The following BCAS1 variants were observed in gnomAD, a reference collection of about 807,000 sequenced individuals.
BCAS1 encodes the protein breast carcinoma-amplified sequence 1.
In BCAS1, 46 loss-of-function variants were observed where a neutral mutation model predicts 65.4. The ratio of observed to expected loss-of-function variants is 0.70; its 90% CI spans 0.55 to 0.90. The LOEUF (loss-of-function observed/expected upper bound fraction) is 0.90, where lower values mean the gene tolerates loss of function less well. Ranked by LOEUF, BCAS1 falls within the 40% of genes least tolerant of loss-of-function variation. The probability of loss-of-function intolerance (pLI) is 0.00; values close to 1 mark genes in which losing one functional copy is unlikely to be tolerated. For synonymous variants in BCAS1, 298 were observed against 293.5 expected (o/e 1.02, Z -0.16); for missense variants, 793 against 771.2 (o/e 1.03, Z -0.33).
At chr20:54,021,453 C>T (rs1455395396) in intron 4 of BCAS1, among the ~76,000 whole-genome samples, 1 of 107,856 alleles carries the variant, frequency 9.3e-6, no homozygotes, top group East Asian at 2.5e-4. Flanking sequence ...TGTATATGTA[C>T]CACATTTTCT....
intron 3 of BCAS1, among the ~76,000 whole-genome samples, chr20:54,030,927 G>A (rs146615517): frequency 6.6e-6 from 1 of 151,506 alleles, no homozygotes; most frequent in Non-Finnish European, 1.5e-5. Flanking sequence ...AGTGATAGAT[G>A]GATGCATCAG....
chr20:53,944,692 C>T lies in BCAS1; in HGVS notation c.*230G>A. 3.8e-6 allele frequency: 2 copies of T among 524,834 alleles called. No individual in the cohort carries two copies. Among genetic ancestry groups the T allele is most frequent in the South Asian group, 4.2e-5 (2 of 47,292 alleles). 32.5% of individuals were successfully genotyped at this position (524,834 alleles called of 1,614,324 possible). On this transcript the variant is annotated 3_prime_UTR_variant, in exon 13 of 13. Transcript: ENST00000688948. ...CTTGGTGATCATCGACTCTTCTGAC[C>T]CAACTAGGTGACCTGCTAAACCATC... is the stretch of plus-strand genomic sequence containing the variant.
At position 53,953,498 on chromosome 20, in the gene BCAS1, A is replaced by C. The variant is rs539620158; in HGVS notation, c.1749T>G (p.Asn583Lys). ...CAGGTCTCTTTTGGAGCTTGTCCCC[A>C]TTCTGCAGTGAGTTCGTGTCCACCG... ...QATVDTNSLQNGDKLQKRPEK... is the reference protein window; with the variant it reads ...QATVDTNSLQKGDKLQKRPEK... The change falls in exon 12 of 13, where the codon AAT becomes AAG. Residue 583 changes from asparagine (N) to lysine (K), a missense_variant. Asn to Lys is a moderately conservative substitution (Grantham distance 94). Coordinates refer to ENST00000688948, the MANE Select transcript of BCAS1 (RefSeq NM_001366298.2). The C allele has an allele frequency of 2.5e-6, 4 of 1,613,852 alleles. No homozygotes were observed. Among genetic ancestry groups the C allele is most frequent in the Non-Finnish European group, 1.7e-6 (2 of 1,180,002 alleles).
intron 3 of BCAS1, among the ~76,000 whole-genome samples, chr20:54,052,705 C>T (rs984413055): frequency 6.6e-6 from 1 of 152,278 alleles, no homozygotes; most frequent in South Asian, 2.1e-4. Flanking sequence ...CACAGCAAGG[C>T]GCCATCTTGG....
At chr20:53,998,145 C>A (rs950669741) in intron 4 of BCAS1, among the ~76,000 whole-genome samples, 1 of 152,118 alleles carries the variant, frequency 6.6e-6, no homozygotes, top group Non-Finnish European at 1.5e-5. Flanking sequence ...GGTGGCACTG[C>A]ATTTAGACTC....
intron 4 of BCAS1, among the ~76,000 whole-genome samples, chr20:54,005,466 T>G (rs1352059130): frequency 6.6e-6 from 1 of 152,054 alleles, no homozygotes; most frequent in East Asian, 1.9e-4. Flanking sequence ...CCAGCCTGGG[T>G]GACAGAGCAA....
At position 53,953,523 on chromosome 20, in the gene BCAS1, G is replaced by A. The variant is rs201134866; in HGVS notation, c.1724C>T (p.Thr575Met). ...KEPAQCTEQA[T>M]VDTNSLQNGD... Reference sequence around the variant, plus strand: ...ATTCTGCAGTGAGTTCGTGTCCACCGTGGCCTGCTCTGTGCACTGGGCTGG... The same window carrying A: ...ATTCTGCAGTGAGTTCGTGTCCACCATGGCCTGCTCTGTGCACTGGGCTGG... Residue 575 changes from threonine to methionine, a missense_variant, in exon 12 of 13, where the codon ACG (threonine) becomes ATG (methionine). Transcript: ENST00000688948. 255 of 1,613,908 alleles carry A rather than the reference G, an allele frequency of 1.6e-4. 1 individual carries two copies. The East Asian group carries it at 5.2e-3, about 33-fold the overall frequency.
chr20:54,057,288 A>C (rs1395604805), intron 3 of BCAS1, among the ~76,000 whole-genome samples: 1 of 152,230 alleles, frequency 6.6e-6, no homozygotes, highest in Non-Finnish European at 1.5e-5. Flanking sequence ...TTTGGGGAAA[A>C]GGAATATATG....
chr20:54,046,395 G>A (rs2092106086), intron 3 of BCAS1, among the ~76,000 whole-genome samples: 1 of 152,056 alleles, frequency 6.6e-6, no homozygotes, highest in African/African-American at 2.4e-5. Context: ...TGGGTGTGGT[G>A]GCGGGCACCT....
At chr20:54,049,616 G>A (rs1047788130) in intron 3 of BCAS1, among the ~76,000 whole-genome samples, 10 of 151,618 alleles carry the variant, frequency 6.6e-5, no homozygotes, top group African/African-American at 2.4e-4. Context: ...ATGTTGCCCA[G>A]GCTGAACTCA....
chr20:54,021,771 A>G (rs1200089369), intron 4 of BCAS1, among the ~76,000 whole-genome samples: 1 of 152,196 alleles, frequency 6.6e-6, no homozygotes, highest in African/African-American at 2.4e-5. Context: ...TAGCTAATGC[A>G]TGCTGGGCTT....
At chr20:54,014,182 C>G (rs2091382380) in intron 4 of BCAS1, among the ~76,000 whole-genome samples, 1 of 152,242 alleles carries the variant, frequency 6.6e-6, no homozygotes, top group South Asian at 2.1e-4. Flanking sequence ...GAATCATTCT[C>G]AGCAAACAAC....
chr20:54,014,272 G>C (rs1369601793), intron 4 of BCAS1, among the ~76,000 whole-genome samples: 1 of 152,228 alleles, frequency 6.6e-6, no homozygotes, highest in Non-Finnish European at 1.5e-5. Context: ...GTGTTAGCTT[G>C]TTTTTCACCT....
intron 4 of BCAS1, among the ~76,000 whole-genome samples, chr20:54,008,396 T>C (rs2091248801): frequency 6.6e-6 from 1 of 152,066 alleles, no homozygotes; most frequent in Non-Finnish European, 1.5e-5. Context: ...ACTGGGGTGG[T>C]GTGAGAAGAG....
At chr20:54,051,229 C>T (rs1275284883) in intron 3 of BCAS1, among the ~76,000 whole-genome samples, 1 of 152,182 alleles carries the variant, frequency 6.6e-6, no homozygotes, top group Admixed American at 6.5e-5. Context: ...TCTGTCCTTT[C>T]TAACTGCCTG....
chr20:54,035,400 C>CAAA (rs1288429763), intron 3 of BCAS1, among the ~76,000 whole-genome samples: 82 of 61,546 alleles, frequency 1.3e-3, no homozygotes, highest in African/African-American at 1.6e-3. Flanking sequence ...GACTCCGTCT[C>CAAA]AAAAAAAAAA....
At position 54,069,345 on chromosome 20, in the gene BCAS1, A is replaced by G. The variant is rs930468742; in HGVS notation, c.-6+1088T>C. 1.8e-4 allele frequency among the ~76,000 whole-genome samples: 27 copies of G among 152,334 alleles called. 1 individual carries two copies. Among genetic ancestry groups the G allele is most frequent in the Middle Eastern group, 6.8e-3 (2 of 294 alleles). On this transcript the variant is annotated intron_variant, in intron 1 of 12. Coordinates refer to ENST00000688948, the MANE Select transcript of BCAS1 (RefSeq NM_001366298.2). ...CAAAATTACCGCTGTTCCTGATCTT[A>G]TCTTTCTGTAACATGTTCATAGTTT...
intron 8 of BCAS1, among the ~76,000 whole-genome samples, chr20:53,979,133 G>A (rs975984719): frequency 6.6e-6 from 1 of 152,146 alleles, no homozygotes; most frequent in African/African-American, 2.4e-5. Context: ...TATGTTTATG[G>A]GGGAGGGGTA....
chr20:53,961,157 C>A (rs1191905874), intron 10 of BCAS1, among the ~76,000 whole-genome samples: 1 of 152,164 alleles, frequency 6.6e-6, no homozygotes, highest in East Asian at 1.9e-4. Context: ...ATGTTTGAAC[C>A]ATCTCCAATG....
Sources: allele counts gnomAD v4.1 joint callset (sites outside exome capture counted in the v4.1 genomes callset), GRCh38; gene constraint gnomAD v4.1.1; transcripts MANE v1.5; gene names NCBI Gene and HGNC (gene_info 2026-07-23, HGNC 2026-07-21).